Variants in USF3 observed in about 807,000 individuals in gnomAD.
The protein encoded by USF3 is basic helix-loop-helix domain-containing protein USF3.
A neutral mutation model predicts 157.5 loss-of-function variants in USF3; 29 were observed. That is an observed-to-expected ratio of 0.18 (90% confidence interval 0.14 to 0.25). USF3 has a LOEUF of 0.25. USF3 is among the 10% of genes least tolerant of loss of function. The pLI is 1.00. For missense variants in USF3, 2,381 were observed against 2,667.6 expected (o/e 0.89, Z 2.37); for synonymous variants, 893 against 941.4 (o/e 0.95, Z 0.94).
intron 1 of USF3, among the ~76,000 whole-genome samples, chr3:113,693,101 G>T (rs575768747): frequency 6.6e-6 from 1 of 152,138 alleles, no homozygotes; most frequent in Non-Finnish European, 1.5e-5. Context: ...ATCAACTTAC[G>T]TTCAAGATGT....
intron 5 of USF3, among the ~76,000 whole-genome samples, chr3:113,664,759 C>G (rs186727949): frequency 6.6e-6 from 1 of 152,280 alleles, no homozygotes; most frequent in East Asian, 1.9e-4. Context: ...GTGCAAAGGA[C>G]TGAATGTTTG....
chr3:113,660,431 A>G lies in USF3; in HGVS notation c.1251T>C (p.Ile417=). 8 of 1,614,154 alleles carry G rather than the reference A, an allele frequency of 5.0e-6. No homozygotes were observed. Among genetic ancestry groups the G allele is most frequent in the Non-Finnish European group, 6.8e-6 (8 of 1,180,008 alleles). ...SSVSTSDLKN[I]NSLTRISSAG... ...CTGAAGAGATTCGTGTAAGGCTATT[A>G]ATGTTTTTCAAATCTGAAGTACTAA... The change falls in exon 7 of 7, where the codon ATT becomes ATC. Residue 417 remains isoleucine (I), a synonymous_variant. Coordinates refer to ENST00000316407, the MANE Select transcript of USF3 (RefSeq NM_001009899.4).
At chr3:113,690,199 C>G (rs1707653056) in intron 1 of USF3, among the ~76,000 whole-genome samples, 1 of 152,194 alleles carries the variant, frequency 6.6e-6, no homozygotes, top group Admixed American at 6.5e-5. Context: ...CAAAAATCTT[C>G]ATATCTTCTC....
rs1294648291 is a variant in USF3 at position 113,657,609 on chromosome 3, G to T, written c.4073C>A (p.Ser1358Tyr). ...GGTGTCTGGAGTTCTGCTCATCAGG[G>T]ACATACTTTCAAGCCTGAGGGGGGC... ...QPAPLRLESM[S>Y]LMSRTPDTIS... Residue 1358 changes from serine to tyrosine, a missense_variant, in exon 7 of 7, where the codon TCC (serine) becomes TAC (tyrosine). Around this residue, in one of 6 missense-constraint regions of USF3, gnomAD observed 1,435 missense variants for 1,550.9 expected, o/e 0.93. Transcript: ENST00000316407. The T allele has an allele frequency of 6.2e-7, 1 of 1,614,042 alleles. No individual in the cohort carries two copies. The highest frequency in any genetic ancestry group is 8.5e-7 in the Non-Finnish European group (1 of 1,180,038).
chr3:113,695,023 C>A (rs978169652), intron 1 of USF3, among the ~76,000 whole-genome samples: 6 of 152,068 alleles, frequency 3.9e-5, no homozygotes, highest in Admixed American at 2.0e-4. Flanking sequence ...CCAGCCTGGG[C>A]GACAGAGTGA....
At chr3:113,690,982 G>A (rs1014583951) in intron 1 of USF3, among the ~76,000 whole-genome samples, 1 of 152,126 alleles carries the variant, frequency 6.6e-6, no homozygotes, top group Non-Finnish European at 1.5e-5. Context: ...GAGCTCAGGA[G>A]TTTGAGACCA....
chr3:113,657,643 A>G lies in USF3; in HGVS notation c.4039T>C (p.Cys1347Arg). 6.2e-7 allele frequency: 1 copy of G among 1,614,214 alleles called. No individual in the cohort carries two copies. Among genetic ancestry groups the G allele is most frequent in the Non-Finnish European group, 8.5e-7 (1 of 1,180,036 alleles). ...LLSSAKRQKH[C>R]QPAPLRLESM... ...TCAAGCCTGAGGGGGGCTGGCTGAC[A>G]GTGCTTTTGACGTTTAGCTGAAGAC... Residue 1347 changes from cysteine (C) to arginine (R), a missense_variant, in exon 7 of 7, where the codon TGT becomes CGT. By Grantham distance (180) the Cys-to-Arg change is radical. Coordinates refer to ENST00000316407, the MANE Select transcript of USF3 (RefSeq NM_001009899.4).
rs1231369176 is a variant in USF3, at chr3:113,654,603, A to C, written c.*341T>G. On this transcript the variant is annotated 3_prime_UTR_variant, in exon 7 of 7. Coordinates refer to ENST00000316407, the MANE Select transcript of USF3 (RefSeq NM_001009899.4). ...CCTACATATTCCATAAGTTATCAACAATCAAGTTTAAAGTCTAGGCTCCCT... is the reference window on the plus strand; with the variant it reads ...CCTACATATTCCATAAGTTATCAACCATCAAGTTTAAAGTCTAGGCTCCCT... 4.5e-6 allele frequency: 1 copy of C among 222,592 alleles called. No homozygotes were observed. Among genetic ancestry groups the C allele is most frequent in the Non-Finnish European group, 8.8e-6 (1 of 113,874 alleles). 13.8% of individuals were successfully genotyped at this position (222,592 alleles called of 1,614,324 possible).
rs1444907308 is a variant in USF3 at position 113,660,106 on chromosome 3, G to T, written c.1576C>A (p.Leu526Met). ...TGAATCACTTGCATTGCTGAATTCA[G>T]TGGAAGGATATTTTTGGGAGGCTGA... ...KSQPPKNILPLNSAMQVIQMA... is the reference protein window; with the variant it reads ...KSQPPKNILPMNSAMQVIQMA... The change falls in exon 7 of 7, where the codon CTG becomes ATG. Residue 526 changes from leucine to methionine, a missense_variant. Leu to Met is a conservative substitution (Grantham distance 15). Around this residue, in one of 6 missense-constraint regions of USF3, gnomAD observed 1,435 missense variants for 1,550.9 expected, o/e 0.93. Transcript: ENST00000316407. 3 of 1,614,110 alleles carry T rather than the reference G, an allele frequency of 1.9e-6. No homozygotes were observed. The highest frequency in any genetic ancestry group is 1.7e-6 in the Non-Finnish European group (2 of 1,180,040).
intron 1 of USF3, among the ~76,000 whole-genome samples, chr3:113,696,125 C>T (rs892678629): frequency 6.6e-6 from 1 of 152,248 alleles, no homozygotes; most frequent in East Asian, 1.9e-4. Flanking sequence ...CCCCACGGGC[C>T]TGGCAGCCGG....
At chr3:113,673,121 T>C (rs369834939) in intron 4 of USF3, among the ~76,000 whole-genome samples, 4 of 152,292 alleles carry the variant, frequency 2.6e-5, no homozygotes, top group Admixed American at 1.3e-4. Context: ...AGGGATACAG[T>C]AATCTCTTAA....
Position 113,649,749 on chromosome 3 carries a change from G to A in USF3, c.*5195C>T. The A allele has an allele frequency of 1.4e-6, 1 of 696,518 alleles. No individual in the cohort carries two copies. Among genetic ancestry groups the A allele is most frequent in the Non-Finnish European group, 2.6e-6 (1 of 382,738 alleles). The allele number at this position is 696,518 out of a possible 1,614,324, so 43.1% of individuals were successfully genotyped here. ...ACAGGGTAGAGGCTACAGGTGGAAA[G>A]ATCTAGAAGCTCTGTGTCCAACAAG... On this transcript the variant is annotated 3_prime_UTR_variant, in exon 7 of 7. Transcript: ENST00000316407.
chr3:113,656,335 G>T lies in USF3; in HGVS notation c.5347C>A (p.Pro1783Thr), dbSNP rs1489766325. The T allele has an allele frequency of 1.9e-6, 3 of 1,614,068 alleles. No individual in the cohort carries two copies. The highest frequency in any genetic ancestry group is 2.5e-6 in the Non-Finnish European group (3 of 1,179,996). The change falls in exon 7 of 7, where the codon CCC becomes ACC. Residue 1783 changes from proline (P) to threonine (T), a missense_variant. This residue lies in a region of USF3 where 770 missense variants were observed against 824.2 expected (regional missense o/e 0.93). Coordinates refer to ENST00000316407, the MANE Select transcript of USF3 (RefSeq NM_001009899.4). ...CTCTTTTGACGGTCAATTGGTGGGG[G>T]GCCAGTGTTTTGACTAATTCGAAAA... is the stretch of plus-strand genomic sequence containing the variant. ...QAFRISQNTG[P>T]PPIDRQKRLS...
At chr3:113,693,703 T>TAA (rs1707739712) in intron 1 of USF3, among the ~76,000 whole-genome samples, 1 of 152,210 alleles carries the variant, frequency 6.6e-6, no homozygotes, top group African/African-American at 2.4e-5. Context: ...CCACATACCG[T>TAA]AAGCCTAAAG....
chr3:113,658,371 A>C lies in USF3; in HGVS notation c.3311T>G (p.Leu1104Arg), dbSNP rs1947407473. 6.2e-7 allele frequency: 1 copy of C among 1,614,142 alleles called. No individual in the cohort carries two copies. The highest frequency in any genetic ancestry group is 8.5e-7 in the Non-Finnish European group (1 of 1,180,006). The stretch of plus-strand genomic sequence containing the variant: ...CACATCTTCTCTTGTTGTTTCAGGA[A>C]GCATGGATGCAACTGAGAAACTACG... ...SSRSFSVASM[L>R]PETTREDVTS... Residue 1104 changes from leucine (L) to arginine (R), a missense_variant, in exon 7 of 7, where the codon CTT becomes CGT. Leu to Arg is a moderately radical substitution (Grantham distance 102). Transcript: ENST00000316407.
chr3:113,666,237 T>C (rs918554800), intron 5 of USF3, among the ~76,000 whole-genome samples: 18 of 146,908 alleles, frequency 1.2e-4, no homozygotes, highest in African/African-American at 4.2e-4. Context: ...ATATAGCATC[T>C]AGACATCTTT....
At chr3:113,671,793 AG>A (rs1707158967) in intron 4 of USF3, among the ~76,000 whole-genome samples, 1 of 123,670 alleles carries the variant, frequency 8.1e-6, no homozygotes, top group African/African-American at 3.1e-5. Flanking sequence ...TTTTGAGACA[AG>A]GTGTTGTTCC....
In USF3 at chr3:113,657,877, C is replaced by G; in HGVS notation, c.3805G>C (p.Val1269Leu). 6.2e-7 allele frequency: 1 copy of G among 1,614,188 alleles called. No homozygotes were observed. Among genetic ancestry groups the G allele is most frequent in the Non-Finnish European group, 8.5e-7 (1 of 1,180,030 alleles). Reference protein sequence around the residue: ...GLSPTSEQTTVPATVNLTVSS... With the variant: ...GLSPTSEQTTLPATVNLTVSS... ...ACGGTCAGATTAACCGTTGCAGGCA[C>G]AGTTGTTTGCTCTGAAGTTGGGGAT... Residue 1269 changes from valine to leucine, a missense_variant, in exon 7 of 7, where the codon GTG becomes CTG. This residue lies in a region of USF3 where 1,435 missense variants were observed against 1,550.9 expected (regional missense o/e 0.93). Transcript: ENST00000316407.
chr3:113,682,706 T>C (rs1371443646), intron 1 of USF3, among the ~76,000 whole-genome samples: 1 of 152,210 alleles, frequency 6.6e-6, no homozygotes, highest in Non-Finnish European at 1.5e-5. Flanking sequence ...TTTAAAATTA[T>C]ATAATGATGT....
Sources: allele counts gnomAD v4.1 joint callset (sites outside exome capture counted in the v4.1 genomes callset), GRCh38; gene constraint gnomAD v4.1.1; regional missense constraint gnomAD v4.1.1; transcripts MANE v1.5; gene names NCBI Gene and HGNC (gene_info 2026-07-23, HGNC 2026-07-21).